Variants in SGO2 observed in about 807,000 individuals in gnomAD.
SGO2 encodes shugoshin-like 2.
In SGO2, 68 loss-of-function variants were observed where a neutral mutation model predicts 99.5. The observed-to-expected ratio is 0.68, with a 90% CI of 0.56 to 0.84. SGO2 has a LOEUF of 0.84. Ranked by LOEUF, SGO2 falls within the 40% of genes least tolerant of loss-of-function variation. The pLI, the probability that SGO2 is intolerant of heterozygous loss-of-function variation, is 0.00. For synonymous variants in SGO2, 457 were observed against 487.1 expected (o/e 0.94, Z 0.81); for missense variants, 1,350 against 1,436.7 (o/e 0.94, Z 0.97).
At chr2:200,537,880 A>G (rs2031766393) in intron 4 of SGO2, among the ~76,000 whole-genome samples, 2 of 152,192 alleles carry the variant, frequency 1.3e-5, no homozygotes, top group African/African-American at 4.8e-5. Flanking sequence ...TGAGATTTTC[A>G]TCTAAGGTAA....
chr2:200,529,569 CT>C (rs1239470530), intron 1 of SGO2, among the ~76,000 whole-genome samples: 1 of 152,182 alleles, frequency 6.6e-6, no homozygotes, highest in Admixed American at 6.5e-5. Context: ...GTCACCCAGG[CT>C]GGAGTGCCAT....
At position 200,570,064 on chromosome 2, in the gene SGO2, A is replaced by G; in HGVS notation, c.703+172A>G. On this transcript the variant is annotated intron_variant, in intron 6 of 8. Transcript: ENST00000357799. The surrounding 1 kb of genome is among the most constrained non-coding windows in gnomAD (Gnocchi z 4.4). ...TGATAGATTTAATTTTAAAGTAAAT[A>G]TGCTGACAAACATCACACCCACAGT... 1.8e-6 allele frequency: 1 copy of G among 561,160 alleles called. No homozygotes were observed. Among genetic ancestry groups the G allele is most frequent in the Non-Finnish European group, 3.1e-6 (1 of 319,178 alleles). The allele number at this position is 561,160 out of a possible 1,614,324, so 34.8% of individuals were successfully genotyped here. A position where few individuals can be genotyped will look rare whatever the true frequency, so the allele number is the denominator to read the frequency against.
chr2:200,544,644 A>G (rs984732912), intron 5 of SGO2, among the ~76,000 whole-genome samples: 1 of 152,198 alleles, frequency 6.6e-6, no homozygotes, highest in Non-Finnish European at 1.5e-5. Flanking sequence ...TGATGAAGGT[A>G]TGCACACATT....
rs1343660731 is a variant in SGO2, at chr2:200,526,846, T to C, written c.-3+594T>C. Among the ~76,000 whole-genome samples, 1 of 152,200 alleles carries C rather than the reference T, an allele frequency of 6.6e-6. No homozygotes were observed. The highest frequency in any genetic ancestry group is 2.4e-5 in the African/African-American group (1 of 41,448). On this transcript the variant is annotated intron_variant, in intron 1 of 8. Coordinates refer to ENST00000357799, the MANE Select transcript of SGO2 (RefSeq NM_152524.6). This position sits in a 1 kb window ranked among gnomAD's most constrained non-coding sequence, Gnocchi z 4.8. ...ATTTCGTATTTAGAGATAGTCGAGA[T>C]GCTGGCCGGACAAGTGTCACAGAGT...
Position 200,573,582 on chromosome 2 carries a change from CAAAG to C in SGO2, c.3240_3243del (p.Lys1081GlyfsTer5). Reference sequence around the variant, plus strand: ...AAGGTAAATAAAATGACATCTAAGTCAAAGAAAAGGAAGACCTCCATAGATCCTT... The same window carrying C: ...AAGGTAAATAAAATGACATCTAAGTCAAAAGGAAGACCTCCATAGATCCTT... On this transcript the variant is annotated frameshift_variant, in exon 7 of 9. Coordinates refer to ENST00000357799, the MANE Select transcript of SGO2 (RefSeq NM_152524.6). LOFTEE classifies it high-confidence loss of function. The C allele has an allele frequency of 6.2e-7, 1 of 1,605,166 alleles. No individual in the cohort carries two copies. The highest frequency in any genetic ancestry group is 8.5e-7 in the Non-Finnish European group (1 of 1,177,634).
At chr2:200,569,630 A>G (rs1237201564) in intron 5 of SGO2, 33 bp from the exon 6 acceptor site, 2 of 1,507,856 alleles carry the variant, frequency 1.3e-6, no homozygotes, top group Admixed American at 2.1e-5. Context: ...TATAAAACAC[A>G]TAATTTCTCA....
rs2106342346 is a variant in SGO2 at position 200,570,521 on chromosome 2, T to C, written c.704-529T>C. On this transcript the variant is annotated intron_variant, in intron 6 of 8. Coordinates refer to ENST00000357799, the MANE Select transcript of SGO2 (RefSeq NM_152524.6). The surrounding 1 kb of genome is among the most constrained non-coding windows in gnomAD (Gnocchi z 4.4). ...GTGTGTGTGTGTGTGGGCATATGTA[T>C]ATGTATATAATATATACACACACAC... Among the ~76,000 whole-genome samples the C allele has an allele frequency of 7.0e-6, 1 of 142,854 alleles. No homozygotes were observed. Among genetic ancestry groups the C allele is most frequent in the South Asian group, 2.3e-4 (1 of 4,412 alleles). 93.7% of individuals were successfully genotyped at this position (142,854 alleles called of 152,430 possible).
Position 200,544,215 on chromosome 2 carries a change from T to G in SGO2, c.473+1551T>G, listed in dbSNP as rs532092743. 2.0e-5 allele frequency among the ~76,000 whole-genome samples: 3 copies of G among 152,356 alleles called. No homozygotes were observed. In the East Asian group the frequency reaches 5.8e-4, roughly 29 times the overall value. ...TATTTGTTCTCATTGCTGTATAGTA[T>G]TCAATTGTATGATTATACTACAATG... On this transcript the variant is annotated intron_variant, in intron 5 of 8. Transcript: ENST00000357799.
At chr2:200,527,447 T>C (rs767662259) in intron 1 of SGO2, among the ~76,000 whole-genome samples, 1 of 152,210 alleles carries the variant, frequency 6.6e-6, no homozygotes, top group African/African-American at 2.4e-5. Flanking sequence ...AGATAGATAG[T>C]GATCTTTGAT....
intron 7 of SGO2, among the ~76,000 whole-genome samples, 179 bp from the exon 8 acceptor site, chr2:200,575,132 G>A (rs1559220344): frequency 6.6e-6 from 1 of 151,956 alleles, no homozygotes; most frequent in Non-Finnish European, 1.5e-5. Flanking sequence ...TGTGATTTCA[G>A]AATGAAAAAG....
At chr2:200,532,382 C>G in intron 1 of SGO2, 1 of 978,230 alleles carries the variant, frequency 1.0e-6, no homozygotes, top group South Asian at 4.8e-5. Flanking sequence ...TCAACATCAA[C>G]TGCTGCTTCT....
intron 1 of SGO2, among the ~76,000 whole-genome samples, chr2:200,531,372 T>C (rs568692045): frequency 9.2e-5 from 14 of 152,136 alleles, no homozygotes; most frequent in Admixed American, 5.2e-4. Flanking sequence ...TAGAGTCTAG[T>C]GACAGTATAT....
chr2:200,529,640 C>T (rs966459974), intron 1 of SGO2, among the ~76,000 whole-genome samples: 5 of 152,216 alleles, frequency 3.3e-5, no homozygotes, highest in African/African-American at 1.2e-4. Flanking sequence ...ATTTCTCCTG[C>T]CTCAGCCTCC....
Position 200,572,089 on chromosome 2 carries a change from A to G in SGO2, c.1743A>G (p.Leu581=). The G allele has an allele frequency of 6.2e-7, 1 of 1,613,508 alleles. No homozygotes were observed. The highest frequency in any genetic ancestry group is 2.2e-5 in the East Asian group (1 of 44,854). Residue 581 remains leucine (L), a synonymous_variant, in exon 7 of 9, where the codon TTA becomes TTG. Coordinates refer to ENST00000357799, the MANE Select transcript of SGO2 (RefSeq NM_152524.6). ...TTTCCACCAAAGATAATGGAAATTT[A>G]TGTGATTATGGGACCCACAATATAT... ...ANLSTKDNGN[L]CDYGTHNILD...
chr2:200,566,474 G>A (rs2347862), intron 5 of SGO2, among the ~76,000 whole-genome samples: 25,058 of 152,034 alleles, frequency 0.16, 2,319 homozygotes, highest in Non-Finnish European at 0.21. Context: ...GGTGTCAGTC[G>A]GTCCCTACTG....
At chr2:200,548,409 T>G (rs2032332213) in intron 5 of SGO2, among the ~76,000 whole-genome samples, 1 of 152,060 alleles carries the variant, frequency 6.6e-6, no homozygotes, top group African/African-American at 2.4e-5. Flanking sequence ...AATTGAAAAT[T>G]TTCTTAAATG....
At chr2:200,534,687 A>T (rs1261138174) in intron 2 of SGO2, among the ~76,000 whole-genome samples, 1 of 152,182 alleles carries the variant, frequency 6.6e-6, no homozygotes, top group Non-Finnish European at 1.5e-5. Context: ...AGCAAGTATC[A>T]AGATTTAATT....
intron 8 of SGO2, among the ~76,000 whole-genome samples, chr2:200,576,468 C>T (rs568583637): frequency 3.1e-4 from 47 of 151,726 alleles, no homozygotes; most frequent in South Asian, 8.4e-4. Flanking sequence ...CCCAGCTGCT[C>T]GGGAGGCTGA....
chr2:200,541,785 T>C (rs1161544460), intron 4 of SGO2, among the ~76,000 whole-genome samples: 3 of 152,162 alleles, frequency 2.0e-5, no homozygotes, highest in Admixed American at 2.0e-4. Context: ...GCCTGGTGAG[T>C]GTGGAAGTTT....
Sources: allele counts gnomAD v4.1 joint callset (sites outside exome capture counted in the v4.1 genomes callset), GRCh38; gene constraint gnomAD v4.1.1; non-coding constraint Gnocchi (gnomAD v3.1); transcripts MANE v1.5; gene names NCBI Gene and HGNC (gene_info 2026-07-23, HGNC 2026-07-21).